Variants in ATP10B observed in about 807,000 individuals in gnomAD.
The protein encoded by ATP10B is phospholipid-transporting ATPase VB.
Under a neutral mutation model 141.2 loss-of-function variants are expected in ATP10B, and 122 were observed. The observed-to-expected ratio is 0.86, with a 90% CI of 0.75 to 1.00. ATP10B has a LOEUF of 1.00. Among genes scored for constraint, ATP10B ranks in the 50% least tolerant of loss-of-function variants. The probability of loss-of-function intolerance (pLI) is 0.00; values close to 1 mark genes in which losing one functional copy is unlikely to be tolerated. For synonymous variants in ATP10B, 685 were observed against 692.0 expected (o/e 0.99, Z 0.16); for missense variants, 1,876 against 1,825.3 (o/e 1.03, Z -0.51).
At chr5:160,735,477 G>A (rs927728419) in intron 2 of ATP10B, among the ~76,000 whole-genome samples, 2 of 151,950 alleles carry the variant, frequency 1.3e-5, no homozygotes, top group Admixed American at 1.3e-4. Flanking sequence ...ACCCAACACT[G>A]GAGCACACAG....
In ATP10B at chr5:160,617,918, C is replaced by A; in HGVS notation, c.2472G>T (p.Lys824Asn). 6.2e-7 allele frequency: 1 copy of A among 1,614,188 alleles called. No homozygotes were observed. Among genetic ancestry groups the A allele is most frequent in the Admixed American group, 1.7e-5 (1 of 60,028 alleles). ...KLRKIRARTQ[K>N]HLDLYARDGL... Reference sequence around the variant, plus strand: ...CATCTCTTGCATACAAGTCTAGATGCTTTTGGGTCCGGGCTCGGATTTTTC... The same window carrying A: ...CATCTCTTGCATACAAGTCTAGATGATTTTGGGTCCGGGCTCGGATTTTTC... The change falls in exon 16 of 26, where the codon AAG (lysine) becomes AAT (asparagine). Residue 824 changes from lysine to asparagine, a missense_variant. Physicochemically the swap from Lys to Asn is moderately conservative, Grantham distance 94 (BLOSUM62 0). Coordinates refer to ENST00000327245, the MANE Select transcript of ATP10B (RefSeq NM_025153.3).
chr5:160,670,470 G>A lies in ATP10B; in HGVS notation c.668C>T (p.Ser223Leu), dbSNP rs750633991. The change falls in exon 7 of 26, where the codon TCA becomes TTA. Residue 223 changes from serine to leucine, a missense_variant. Physicochemically the swap from Ser to Leu is moderately radical, Grantham distance 145. Coordinates refer to ENST00000327245, the MANE Select transcript of ATP10B (RefSeq NM_025153.3). Reference protein sequence around the residue: ...LKQRCVVKGFSQQEVQFEPEL... With the variant: ...LKQRCVVKGFLQQEVQFEPEL... ...TATTAGAAAGAGCCCTACCTGCTGTGAGAAGCCCTTCACGACACATCTTTG... is the reference window on the plus strand; with the variant it reads ...TATTAGAAAGAGCCCTACCTGCTGTAAGAAGCCCTTCACGACACATCTTTG... 1.2e-6 allele frequency: 2 copies of A among 1,613,888 alleles called. No homozygotes were observed. Among genetic ancestry groups the A allele is most frequent in the South Asian group, 1.1e-5 (1 of 91,054 alleles).
chr5:160,819,741 A>G (rs1302030060), intron 1 of ATP10B, among the ~76,000 whole-genome samples: 1 of 152,180 alleles, frequency 6.6e-6, no homozygotes, highest in East Asian at 1.9e-4. Flanking sequence ...TTATGCAAAC[A>G]ATGTTAAGTT....
At chr5:160,613,457 T>C (rs141770245) in intron 17 of ATP10B, among the ~76,000 whole-genome samples, 7 of 152,340 alleles carry the variant, frequency 4.6e-5, no homozygotes, top group African/African-American at 1.7e-4. Flanking sequence ...GTGAAAGTTA[T>C]TCAAGGGTGT....
the ATP10B span, among the ~76,000 whole-genome samples, chr5:160,900,843 CAT>C: frequency 0.038 from 5,558 of 146,968 alleles, 121 homozygotes; most frequent in South Asian, 0.098. Flanking sequence ...ACATATTACT[CAT>C]GTCATTGAAA....
At chr5:160,829,228 G>A (rs561336183) in intron 1 of ATP10B, among the ~76,000 whole-genome samples, 7 of 151,628 alleles carry the variant, frequency 4.6e-5, no homozygotes, top group African/African-American at 7.2e-5. Flanking sequence ...AAAGCAATTC[G>A]TTGTTTTTGT....
At chr5:160,893,770 C>T in the ATP10B span, among the ~76,000 whole-genome samples, 6 of 152,174 alleles carry the variant, frequency 3.9e-5, no homozygotes, top group East Asian at 1.9e-4. Context: ...CAGCAGGGGT[C>T]GACAGACACC....
chr5:160,670,561 A>G lies in ATP10B; in HGVS notation c.577T>C (p.Ser193Pro), dbSNP rs189320711. ...TGGCATATCCCATTGGGGTCAGAGG[A>G]AAAAAGGAGGAGTATGTCTGCTGGG... Reference protein sequence around the residue: ...IVPADILLLFSSDPNGICHLE... With the variant: ...IVPADILLLFPSDPNGICHLE... The change falls in exon 7 of 26, where the codon TCC (serine) becomes CCC (proline). Residue 193 changes from serine (S) to proline (P), a missense_variant. By Grantham distance (74) the Ser-to-Pro change is moderately conservative (BLOSUM62 -1). Transcript: ENST00000327245. The G allele has an allele frequency of 2.2e-5, 35 of 1,614,018 alleles. No homozygotes were observed. Among genetic ancestry groups the G allele is most frequent in the Admixed American group, 5.0e-5 (3 of 60,014 alleles).
intron 7 of ATP10B, among the ~76,000 whole-genome samples, chr5:160,652,477 G>A (rs1730797600): frequency 1.5e-5 from 2 of 130,888 alleles, no homozygotes; most frequent in Non-Finnish European, 1.6e-5. Context: ...TTATTTATTC[G>A]AGACAGGGTC....
intron 1 of ATP10B, among the ~76,000 whole-genome samples, chr5:160,802,338 G>A (rs1286434344): frequency 6.6e-6 from 1 of 152,124 alleles, no homozygotes; most frequent in Non-Finnish European, 1.5e-5. Flanking sequence ...TCAAGAACAC[G>A]CCTAACTTAA....
At chr5:160,733,143 T>G (rs1307484360) in intron 2 of ATP10B, among the ~76,000 whole-genome samples, 1 of 152,222 alleles carries the variant, frequency 6.6e-6, no homozygotes, top group Non-Finnish European at 1.5e-5. Flanking sequence ...AACTGTGTTT[T>G]GTAGTTTTCA....
At chr5:160,724,625 T>G (rs750815941) in intron 2 of ATP10B, among the ~76,000 whole-genome samples, 163 of 152,346 alleles carry the variant, frequency 1.1e-3, no homozygotes, top group Non-Finnish European at 1.9e-3. Context: ...ATCCTCTTTC[T>G]AAGTTCCCCT....
chr5:160,851,086 G>A (rs1171220228), intron 1 of ATP10B, among the ~76,000 whole-genome samples: 1 of 152,190 alleles, frequency 6.6e-6, no homozygotes, highest in African/African-American at 2.4e-5. Flanking sequence ...GTAGCAGAGT[G>A]CCAGATTGGC....
chr5:160,752,462 A>G (rs1247083649), intron 2 of ATP10B, among the ~76,000 whole-genome samples: 1 of 152,166 alleles, frequency 6.6e-6, no homozygotes, highest in Non-Finnish European at 1.5e-5. Flanking sequence ...GGTCCTTTCA[A>G]GCTCTCCTTA....
In ATP10B at chr5:160,779,928, T is replaced by C. The variant is rs184224629; in HGVS notation, c.-331+5631A>G. The stretch of plus-strand genomic sequence containing the variant: ...GGTAGACATCACTGATTATAAAATA[T>C]TTTCTCCTGGTGAATCCAGATGCAG... On this transcript the variant is annotated intron_variant, in intron 2 of 25. Coordinates refer to ENST00000327245, the MANE Select transcript of ATP10B (RefSeq NM_025153.3). Among the ~76,000 whole-genome samples, 634 of 152,290 alleles carry C rather than the reference T, an allele frequency of 4.2e-3. 9 individuals are homozygous for C. The highest frequency in any genetic ancestry group is 0.015 in the African/African-American group (608 of 41,554).
At chr5:160,701,226 C>T (rs1346186961) in intron 3 of ATP10B, among the ~76,000 whole-genome samples, 1 of 152,132 alleles carries the variant, frequency 6.6e-6, no homozygotes, top group Non-Finnish European at 1.5e-5. Flanking sequence ...TTTTAATTTC[C>T]CTCAGACAGC....
chr5:160,599,656 G>A (rs1040554730), intron 21 of ATP10B, among the ~76,000 whole-genome samples: 1 of 152,198 alleles, frequency 6.6e-6, no homozygotes, highest in African/African-American at 2.4e-5. Flanking sequence ...TGACTTCACT[G>A]TACTTTCCTA....
At chr5:160,922,263 G>A in the ATP10B span, among the ~76,000 whole-genome samples, 1 of 152,192 alleles carries the variant, frequency 6.6e-6, no homozygotes, top group South Asian at 2.1e-4. Context: ...AGCTGGTTGA[G>A]TGTCTTGTAG....
intron 1 of ATP10B, among the ~76,000 whole-genome samples, chr5:160,803,519 T>C (rs1581562432): frequency 6.6e-6 from 1 of 151,970 alleles, no homozygotes; most frequent in Non-Finnish European, 1.5e-5. Flanking sequence ...CTACTAAAAA[T>C]ACAAAAATTA....
Sources: gnomAD v4.1 joint callset for allele counts (sites outside exome capture counted in the v4.1 genomes callset) on GRCh38, gnomAD v4.1.1 for gene constraint, MANE v1.5 for transcripts, NCBI Gene and HGNC (gene_info 2026-07-23, HGNC 2026-07-21) for gene names.